The following TBC1D1 variants were observed in gnomAD, a reference collection of about 807,000 sequenced individuals.
TBC1D1 encodes TBC1 (tre-2/USP6, BUB2, cdc16) domain family, member 1.
A neutral mutation model predicts 125.6 loss-of-function variants in TBC1D1; 89 were observed. The observed-to-expected ratio is 0.71, with a 90% confidence interval of 0.60 to 0.85. TBC1D1 has a LOEUF of 0.85. Among genes scored for constraint, TBC1D1 ranks in the 40% least tolerant of loss-of-function variants. The pLI is 0.00. For synonymous variants in TBC1D1, 565 were observed against 564.1 expected (o/e 1.00, Z -0.02); for missense variants, 1,377 against 1,469.2 (o/e 0.94, Z 1.03).
At chr4:38,063,903 A>G (rs1429129990) in intron 12 of TBC1D1, among the ~76,000 whole-genome samples, 1 of 152,196 alleles carries the variant, frequency 6.6e-6, no homozygotes, top group African/African-American at 2.4e-5. Flanking sequence ...TGTTGGGATT[A>G]CAGGCGTGAG....
intron 8 of TBC1D1, among the ~76,000 whole-genome samples, chr4:38,039,785 A>G (rs913292312): frequency 6.6e-6 from 1 of 152,186 alleles, no homozygotes; most frequent in Non-Finnish European, 1.5e-5. Flanking sequence ...AATGACTGCA[A>G]TAGAATTCAC....
At chr4:38,110,236 C>T (rs1328279374) in intron 15 of TBC1D1, 3 of 985,408 alleles carry the variant, frequency 3.0e-6, no homozygotes, top group Middle Eastern at 5.2e-4. Context: ...TGGGGTTTCT[C>T]ACAGCACCGT....
chr4:37,955,645 C>T lies in TBC1D1; in HGVS notation c.417+53133C>T, dbSNP rs1033333338. Among the ~76,000 whole-genome samples, 21 of 152,222 alleles carry T rather than the reference C, an allele frequency of 1.4e-4. No individual in the cohort carries two copies. The East Asian group carries it at 3.3e-3, about 24-fold the overall frequency. ...CCACGGTTGGTTGAATCCACAGATG[C>T]GAAACCCATGGGTAAAGAGGGTCAA... On this transcript the variant is annotated intron_variant, in intron 2 of 19. Transcript: ENST00000261439.
chr4:38,075,347 T>C (rs1755406879), intron 12 of TBC1D1, among the ~76,000 whole-genome samples: 1 of 152,090 alleles, frequency 6.6e-6, no homozygotes, highest in Non-Finnish European at 1.5e-5. Context: ...CAAACCCGAG[T>C]TCCCCACTTG....
intron 7 of TBC1D1, among the ~76,000 whole-genome samples, chr4:38,035,218 G>A (rs1303813575): frequency 4.6e-5 from 7 of 152,158 alleles, no homozygotes; most frequent in Non-Finnish European, 5.9e-5. Context: ...TTCCTTGCCC[G>A]TTCCCTAAGA....
At chr4:38,019,008 A>G (rs1268409444) in intron 4 of TBC1D1, among the ~76,000 whole-genome samples, 1 of 152,158 alleles carries the variant, frequency 6.6e-6, no homozygotes, top group East Asian at 1.9e-4. Flanking sequence ...AAATATAGAT[A>G]GTGCTTATCT....
chr4:38,115,591 A>G (rs1437826094), intron 15 of TBC1D1, 119 bp from the exon 18 acceptor site: 26 of 1,039,620 alleles, frequency 2.5e-5, no homozygotes, highest in Non-Finnish European at 3.5e-5. Context: ...AGACTGATTG[A>G]TATTATGATC....
intron 6 of TBC1D1, among the ~76,000 whole-genome samples, chr4:38,027,466 T>TAA (rs1265643422): frequency 6.6e-6 from 1 of 152,050 alleles, no homozygotes; most frequent in Non-Finnish European, 1.5e-5. Flanking sequence ...TTTAGTAGAC[T>TAA]AAAAATACAA....
At chr4:37,897,438 G>T (rs2152213085) in intron 1 of TBC1D1, among the ~76,000 whole-genome samples, 1 of 152,274 alleles carries the variant, frequency 6.6e-6, no homozygotes, top group South Asian at 2.1e-4. Context: ...CTTATTATTT[G>T]ATAGTTTATG....
chr4:38,079,059 G>T (rs1294074571), intron 12 of TBC1D1, among the ~76,000 whole-genome samples: 4 of 152,052 alleles, frequency 2.6e-5, no homozygotes, highest in African/African-American at 4.8e-5. Flanking sequence ...TGACAGCCCG[G>T]AGTACCCTGG....
Position 37,960,834 on chromosome 4 carries a change from C to T in TBC1D1, c.418-53675C>T, listed in dbSNP as rs201888084. 63 of 1,614,156 alleles carry T rather than the reference C, an allele frequency of 3.9e-5. No individual in the cohort carries two copies. Among genetic ancestry groups the T allele is most frequent in the Admixed American group, 2.2e-4 (13 of 60,006 alleles). ...TGAGAGTTTTGACCTGCCTGAAGAGCGCCAGATTGCACACCTCCCCTTGAG... is the reference window on the plus strand; with the variant it reads ...TGAGAGTTTTGACCTGCCTGAAGAGTGCCAGATTGCACACCTCCCCTTGAG... On this transcript the variant is annotated intron_variant, in intron 2 of 19. Transcript: ENST00000261439.
chr4:37,964,608 T>A (rs1730717159), intron 2 of TBC1D1, among the ~76,000 whole-genome samples: 1 of 152,206 alleles, frequency 6.6e-6, no homozygotes, highest in African/African-American at 2.4e-5. Context: ...CAGATGGAGT[T>A]TGGCCTGTTG....
intron 2 of TBC1D1, among the ~76,000 whole-genome samples, chr4:37,972,007 CA>C (rs1732123868): frequency 6.6e-6 from 1 of 152,270 alleles, no homozygotes; most frequent in South Asian, 2.1e-4. Flanking sequence ...ACCTTTGCTC[CA>C]AAACAGCCCA....
chr4:38,135,996 G>A (rs553387858), intron 19 of TBC1D1, among the ~76,000 whole-genome samples: 2 of 151,578 alleles, frequency 1.3e-5, no homozygotes, highest in East Asian at 3.9e-4. Context: ...CTAAAATGGA[G>A]CATGGCAAAT....
chr4:38,074,963 G>A (rs773372008), intron 12 of TBC1D1, among the ~76,000 whole-genome samples: 3 of 152,100 alleles, frequency 2.0e-5, no homozygotes, highest in Non-Finnish European at 4.4e-5. Context: ...GTTTTGCCAT[G>A]TTGTCCAGAC....
intron 17 of TBC1D1, among the ~76,000 whole-genome samples, chr4:38,123,186 G>C (rs542172450): frequency 6.6e-6 from 1 of 152,140 alleles, no homozygotes; most frequent in Admixed American, 6.5e-5. Flanking sequence ...GAAAATCACT[G>C]GTGTTGTAGG....
At chr4:37,906,925 A>T (rs1333308479) in intron 2 of TBC1D1, among the ~76,000 whole-genome samples, 1 of 152,230 alleles carries the variant, frequency 6.6e-6, no homozygotes, top group Non-Finnish European at 1.5e-5. Context: ...TTTGGGTTAT[A>T]TCTACTAATA....
chr4:37,925,480 G>A (rs970438296), intron 2 of TBC1D1, among the ~76,000 whole-genome samples: 6 of 152,218 alleles, frequency 3.9e-5, no homozygotes, highest in African/African-American at 1.2e-4. Flanking sequence ...CACTTCGGGA[G>A]GTCGAGGTGG....
intron 2 of TBC1D1, among the ~76,000 whole-genome samples, chr4:37,948,452 C>A (rs1727171584): frequency 6.6e-6 from 1 of 152,050 alleles, no homozygotes; most frequent in Non-Finnish European, 1.5e-5. Context: ...CATGGTGAAA[C>A]CTTGTCTCTA....
Sources: allele counts gnomAD v4.1 joint callset (sites outside exome capture counted in the v4.1 genomes callset), GRCh38; gene constraint gnomAD v4.1.1; transcripts MANE v1.5; gene names NCBI Gene and HGNC (gene_info 2026-07-23, HGNC 2026-07-21).